The following FTCD variants were observed in gnomAD, a reference collection of about 807,000 sequenced individuals.
FTCD encodes formimidoyltransferase-cyclodeaminase.
Under a neutral mutation model 62.9 loss-of-function variants are expected in FTCD, and 76 were observed. The observed-to-expected ratio is 1.21, with a 90% CI of 1.00 to 1.46. The LOEUF (loss-of-function observed/expected upper bound fraction) is 1.46, where lower values mean the gene tolerates loss of function less well. Among genes scored for constraint, FTCD ranks in the 40% most tolerant of loss-of-function variants. The pLI is 0.00. For missense variants in FTCD, 845 were observed against 751.3 expected, an observed-to-expected ratio of 1.12 and a Z score of -1.46; for synonymous variants, 397 against 336.9, an observed-to-expected ratio of 1.18 and a Z score of -1.95.
chr21:46,143,870 C>T (rs563043230), intron 10 of FTCD, among the ~76,000 whole-genome samples: 8 of 152,270 alleles, frequency 5.3e-5, no homozygotes, highest in Admixed American at 1.3e-4. Flanking sequence ...AGGGCCCACC[C>T]GCAGTTATCC....
chr21:46,136,998 G>T lies in FTCD; in HGVS notation c.1615C>A (p.Arg539=), dbSNP rs756994444. 1.9e-6 allele frequency: 3 copies of T among 1,613,228 alleles called. No individual in the cohort carries two copies. The East Asian group carries it at 6.7e-5, about 36-fold the overall frequency. The stretch of plus-strand genomic sequence containing the variant: ...GGCCTCCCGCACCGTCACTCCTGCC[G>T]GGTCTCCAAGCAGTCCAGCACCAGT... ...AALVLDCLET[R]QE The change falls in exon 14 of 14, where the codon CGG becomes AGG. Residue 539 remains arginine, a synonymous_variant. Coordinates refer to ENST00000397746, the MANE Select transcript of FTCD (RefSeq NM_206965.2).
chr21:46,138,996 G>A, intron 10 of FTCD, 73 bp from the exon 11 acceptor site: 3 of 1,145,578 alleles, frequency 2.6e-6, no homozygotes, highest in East Asian at 4.7e-5. Flanking sequence ...GCTCCCACAA[G>A]GGGCTGTAGC....
intron 10 of FTCD, among the ~76,000 whole-genome samples, chr21:46,139,473 G>A (rs1184565248): frequency 6.6e-6 from 1 of 152,132 alleles, no homozygotes; most frequent in Admixed American, 6.5e-5. Context: ...GCACAGCTGG[G>A]ACCACACACC....
rs774210104 is a variant in FTCD at position 46,137,280 on chromosome 21, T to C, written c.1498A>G (p.Ile500Val). ...GVFGAYFNVL[I>V]NLRDITDEAF... Reference sequence around the variant, plus strand: ...TCGTCTGTGATGTCCCTCAGGTTGATGAGCACGTTGAAATATGCGCCAAAC... The same window carrying C: ...TCGTCTGTGATGTCCCTCAGGTTGACGAGCACGTTGAAATATGCGCCAAAC... Residue 500 changes from isoleucine (I) to valine (V), a missense_variant, in exon 13 of 14, where the codon ATC becomes GTC. By Grantham distance (29) the Ile-to-Val change is conservative. Transcript: ENST00000397746. 6.2e-6 allele frequency: 10 copies of C among 1,613,882 alleles called. No homozygotes were observed. Among genetic ancestry groups the C allele is most frequent in the Non-Finnish European group, 6.8e-6 (8 of 1,179,924 alleles).
chr21:46,141,924 G>A (rs984628232), intron 10 of FTCD, among the ~76,000 whole-genome samples: 81 of 152,282 alleles, frequency 5.3e-4, no homozygotes, highest in African/African-American at 1.9e-3. Flanking sequence ...GCCCCCCCGG[G>A]GAGGGGGGTG....
At chr21:46,151,762 G>A (rs566556847) in intron 4 of FTCD, 25 bp from the exon 5 acceptor site, 1 of 1,611,534 alleles carries the variant, frequency 6.2e-7, no homozygotes, top group South Asian at 1.1e-5. Flanking sequence ...GCTCTGGGGT[G>A]AGACATCCCC....
chr21:46,153,123 G>T, intron 2 of FTCD, 88 bp from the exon 3 acceptor site: 1 of 1,371,564 alleles, frequency 7.3e-7, no homozygotes, highest in Non-Finnish European at 9.8e-7. Context: ...TGTCCTCTCC[G>T]GCCTGGGCAG....
At chr21:46,140,320 C>T (rs1329250949) in intron 10 of FTCD, among the ~76,000 whole-genome samples, 1 of 150,804 alleles carries the variant, frequency 6.6e-6, no homozygotes, top group Non-Finnish European at 1.5e-5. Flanking sequence ...CCCCGTCCAC[C>T]TTCGCATTGC....
chr21:46,148,910 G>A (rs2079207266), intron 7 of FTCD, among the ~76,000 whole-genome samples: 1 of 152,184 alleles, frequency 6.6e-6, no homozygotes, highest in African/African-American at 2.4e-5. Context: ...TACTAGGATT[G>A]TATCAGTGTT....
At chr21:46,137,425 G>C in intron 12 of FTCD, 91 bp from the exon 13 acceptor site, 1 of 1,009,854 alleles carries the variant, frequency 9.9e-7, no homozygotes, top group Non-Finnish European at 1.6e-6. Flanking sequence ...GGGACAGGCC[G>C]GACTTCGTCC....
intron 10 of FTCD, 195 bp from the exon 11 acceptor site, chr21:46,139,118 G>A (rs1023440209): frequency 3.8e-5 from 24 of 623,746 alleles, no homozygotes; most frequent in Middle Eastern, 4.1e-4. Flanking sequence ...AGGGGGGGTC[G>A]GGGCACACAG....
intron 2 of FTCD, among the ~76,000 whole-genome samples, chr21:46,153,903 G>A (rs768415673): frequency 1.3e-4 from 20 of 151,638 alleles, no homozygotes; most frequent in Middle Eastern, 3.2e-3. Flanking sequence ...CCACCCAGCC[G>A]TGAAGGTGGC....
intron 10 of FTCD, chr21:46,142,144 G>A (rs2079024194): frequency 6.6e-6 from 1 of 152,274 alleles, no homozygotes; most frequent in East Asian, 1.9e-4. Flanking sequence ...GGTGATCAGC[G>A]TCTACACCTC....
chr21:46,145,780 A>ACC, intron 9 of FTCD, 38 bp downstream of exon 9: 1 of 255,488 alleles, frequency 3.9e-6, no homozygotes, highest in Non-Finnish European at 6.5e-6. Flanking sequence ...CCCTCCCCCC[A>ACC]ACAACTGCGC....
chr21:46,142,760 A>T (rs2079050151), intron 10 of FTCD: 1 of 152,224 alleles, frequency 6.6e-6, no homozygotes, highest in South Asian at 2.1e-4. Context: ...CCCCGCCCAC[A>T]TCCTGCTGAT....
intron 8 of FTCD, 91 bp downstream of exon 8, chr21:46,146,175 C>T (rs2123533729): frequency 2.1e-6 from 2 of 943,560 alleles, no homozygotes; most frequent in South Asian, 2.8e-5. Context: ...AGGACTCAGC[C>T]GGGTCTCCAC....
chr21:46,140,491 A>C (rs74410837), intron 10 of FTCD, among the ~76,000 whole-genome samples: 1 of 120,860 alleles, frequency 8.3e-6, no homozygotes, highest in African/African-American at 3.4e-5. Flanking sequence ...TTCGCAGGGA[A>C]TGTAAATCAA....
chr21:46,151,670 G>A lies in FTCD; in HGVS notation c.524C>T (p.Ala175Val). The change falls in exon 5 of 14, where the codon GCC becomes GTC. Residue 175 changes from alanine to valine, a missense_variant. Physicochemically the swap from Ala to Val is moderately conservative, Grantham distance 64. Coordinates refer to ENST00000397746, the MANE Select transcript of FTCD (RefSeq NM_206965.2). ...AATGAGGAACTTCCTCGCCCCCGTG[G>A]CCGTGGCCCCCCAACTGGGGACAAA... ...SSFVPSWGATATGARKFLIAF... is the reference protein window; with the variant it reads ...SSFVPSWGATVTGARKFLIAF... 6.2e-7 allele frequency: 1 copy of A among 1,613,022 alleles called. No homozygotes were observed. The highest frequency in any genetic ancestry group is 8.5e-7 in the Non-Finnish European group (1 of 1,179,950).
At chr21:46,155,202 C>A (rs893777359) in intron 1 of FTCD, among the ~76,000 whole-genome samples, 1 of 152,178 alleles carries the variant, frequency 6.6e-6, no homozygotes, top group Admixed American at 6.5e-5. Context: ...ATCTGCCCAA[C>A]CCCCCACCGA....
Sources: gnomAD v4.1 joint callset for allele counts (sites outside exome capture counted in the v4.1 genomes callset) on GRCh38, gnomAD v4.1.1 for gene constraint, MANE v1.5 for transcripts, NCBI Gene and HGNC (gene_info 2026-07-23, HGNC 2026-07-21) for gene names.